TBCA: variants seen among roughly 807,000 people sequenced by gnomAD.
TBCA encodes tubulin-specific chaperone A.
A neutral mutation model predicts 15.8 loss-of-function variants in TBCA; 6 were observed. The ratio of observed to expected loss-of-function variants is 0.38; its 90% CI spans 0.21 to 0.75. The LOEUF (loss-of-function observed/expected upper bound fraction) is 0.75. TBCA is among the 30% of genes least tolerant of loss of function. TBCA has a pLI of 0.46. For synonymous variants in TBCA, 32 were observed against 42.3 expected, an observed-to-expected ratio of 0.76 and a Z score of 0.94; for missense variants, 90 against 131.2, an observed-to-expected ratio of 0.69 and a Z score of 1.53.
chr5:77,719,320 A>G (rs1054135776), intron 1 of TBCA, among the ~76,000 whole-genome samples: 8 of 152,186 alleles, frequency 5.3e-5, no homozygotes, highest in African/African-American at 1.9e-4. Flanking sequence ...TCAAAATTTA[A>G]ATTTCTTTGA....
chr5:77,715,931 AC>A (rs758403943), intron 1 of TBCA, among the ~76,000 whole-genome samples: 93 of 152,294 alleles, frequency 6.1e-4, no homozygotes, highest in Admixed American at 1.2e-3. Context: ...ATAGCTGATA[AC>A]AAACTCTCCT....
At chr5:77,710,079 A>C in intron 1 of TBCA, among the ~76,000 whole-genome samples, 1 of 152,202 alleles carries the variant, frequency 6.6e-6, no homozygotes. Flanking sequence ...TCTAAAAATG[A>C]TTGTGGTGAT....
intron 2 of TBCA, among the ~76,000 whole-genome samples, chr5:77,702,816 G>A (rs1746052181): frequency 6.6e-6 from 1 of 152,182 alleles, no homozygotes; most frequent in South Asian, 2.1e-4. Context: ...AAAAGCAAGT[G>A]TATTACCTTC....
At chr5:77,712,508 T>C (rs562259656) in intron 1 of TBCA, among the ~76,000 whole-genome samples, 2 of 152,296 alleles carry the variant, frequency 1.3e-5, no homozygotes, top group South Asian at 4.1e-4. Context: ...AAGACAAGTA[T>C]GTATTTTAAA....
chr5:77,766,079 T>C (rs1049816624), intron 1 of TBCA, among the ~76,000 whole-genome samples: 6 of 152,064 alleles, frequency 3.9e-5, no homozygotes, highest in African/African-American at 1.4e-4. Flanking sequence ...TACCACCTAC[T>C]CCCCATGAGA....
chr5:77,691,185 T>C lies in TBCA; in HGVS notation c.*233A>G, dbSNP rs1745741541. The C allele has an allele frequency of 6.5e-6, 3 of 464,656 alleles. No individual in the cohort carries two copies. The highest frequency in any genetic ancestry group is 8.5e-5 in the Admixed American group (2 of 23,444). 28.8% of individuals were successfully genotyped at this position (464,656 alleles called of 1,614,324 possible). A position where few individuals can be genotyped will look rare whatever the true frequency, so the allele number is the denominator to read the frequency against. On this transcript the variant is annotated 3_prime_UTR_variant, in exon 4 of 4. Coordinates refer to ENST00000380377, the MANE Select transcript of TBCA (RefSeq NM_004607.3). Reference sequence around the variant, plus strand: ...TTATAGTTCTCTGTCATAAAGTCTATGTGGTTTAATGATAAAAGGTTAATT... The same window carrying C: ...TTATAGTTCTCTGTCATAAAGTCTACGTGGTTTAATGATAAAAGGTTAATT...
At chr5:77,705,681 G>T in intron 2 of TBCA, 1 of 397,388 alleles carries the variant, frequency 2.5e-6, no homozygotes. Context: ...TTTAAAAATT[G>T]GCCAGGCATG....
chr5:77,715,415 CT>C (rs781730933), intron 1 of TBCA: 2 of 603,156 alleles, frequency 3.3e-6, no homozygotes, highest in Non-Finnish European at 3.0e-6. Context: ...ATGAAAACAT[CT>C]TTAAGAAGGA....
intron 1 of TBCA, among the ~76,000 whole-genome samples, chr5:77,730,326 G>T (rs528838217): frequency 1.6e-3 from 249 of 152,286 alleles, no homozygotes; most frequent in Non-Finnish European, 3.0e-3. Flanking sequence ...TTGGAGTTAT[G>T]CTGCCACAAA....
chr5:77,776,329 C>T lies in TBCA; in HGVS notation c.-72G>A, dbSNP rs1254079717. On this transcript the variant is annotated 5_prime_UTR_variant, in exon 1 of 4. Transcript: ENST00000380377. ...CGTGGAGGGCGACGCGCAGAGGCTG[C>T]GGCTATTTAGGCGTGGTCGCCGGCG... 1 of 1,533,430 alleles carries T rather than the reference C, an allele frequency of 6.5e-7. No individual in the cohort carries two copies. Among genetic ancestry groups the T allele is most frequent in the East Asian group, 2.5e-5 (1 of 40,774 alleles). The allele number at this position is 1,533,430 out of a possible 1,614,324, so 95.0% of individuals were successfully genotyped here. A position where few individuals can be genotyped will look rare whatever the true frequency, so the allele number is the denominator to read the frequency against.
chr5:77,691,721 T>G, intron 3 of TBCA: 4 of 1,217,320 alleles, frequency 3.3e-6, no homozygotes, highest in Non-Finnish European at 4.1e-6. Context: ...ACTGTATATA[T>G]TCTCATAAAA....
chr5:77,736,466 A>G (rs1746909514), intron 1 of TBCA, among the ~76,000 whole-genome samples: 1 of 152,166 alleles, frequency 6.6e-6, no homozygotes, highest in South Asian at 2.1e-4. Flanking sequence ...AAATAATCAA[A>G]CAGAAACAAT....
At chr5:77,750,103 A>G (rs1480060787) in intron 1 of TBCA, among the ~76,000 whole-genome samples, 1 of 151,482 alleles carries the variant, frequency 6.6e-6, no homozygotes, top group Non-Finnish European at 1.5e-5. Context: ...GTTTCACCGT[A>G]TACCTCTTTG....
rs1554043239 is a variant in TBCA at position 77,700,044 on chromosome 5, A to AAG, written c.160-6693_160-6692insCT. ...TGGCTCTGACTCAAAAAAAAAAAAAAAAAAAAGAAAATTAGCCAGACATGG... is the reference window on the plus strand; with the variant it reads ...TGGCTCTGACTCAAAAAAAAAAAAAAAGAAAAAAGAAAATTAGCCAGACATGG... On this transcript the variant is annotated intron_variant, in intron 2 of 3. Coordinates refer to ENST00000380377, the MANE Select transcript of TBCA (RefSeq NM_004607.3). 2.0e-5 allele frequency among the ~76,000 whole-genome samples: 3 copies of AAG among 150,756 alleles called. No individual in the cohort carries two copies. The East Asian group carries it at 5.8e-4, about 29-fold the overall frequency.
chr5:77,702,637 T>C (rs1746046783), intron 2 of TBCA, among the ~76,000 whole-genome samples: 1 of 152,208 alleles, frequency 6.6e-6, no homozygotes, highest in Admixed American at 6.5e-5. Context: ...CAGGTATAAC[T>C]AGTGAAATAT....
chr5:77,715,922 T>G (rs138960525), intron 1 of TBCA, among the ~76,000 whole-genome samples: 5 of 152,306 alleles, frequency 3.3e-5, no homozygotes, highest in South Asian at 2.1e-4. Flanking sequence ...TCTACTGATA[T>G]AGCTGATAAC....
At chr5:77,738,305 A>G (rs1252251318) in intron 1 of TBCA, among the ~76,000 whole-genome samples, 1 of 152,194 alleles carries the variant, frequency 6.6e-6, no homozygotes, top group Non-Finnish European at 1.5e-5. Context: ...GGGTTTTGGC[A>G]TTGAGAAGAT....
At chr5:77,715,750 T>C (rs1297513646) in intron 1 of TBCA, among the ~76,000 whole-genome samples, 4 of 152,204 alleles carry the variant, frequency 2.6e-5, no homozygotes, top group Non-Finnish European at 4.4e-5. Context: ...AAAAACATGC[T>C]GTAAAAAGTG....
chr5:77,736,964 G>A (rs2112475373), intron 1 of TBCA, among the ~76,000 whole-genome samples: 1 of 152,282 alleles, frequency 6.6e-6, no homozygotes, highest in South Asian at 2.1e-4. Context: ...GGACTTAGTT[G>A]TGCCTGCTTA....
Sources: allele counts gnomAD v4.1 joint callset (sites outside exome capture counted in the v4.1 genomes callset), GRCh38; gene constraint gnomAD v4.1.1; transcripts MANE v1.5; gene names NCBI Gene and HGNC (gene_info 2026-07-23, HGNC 2026-07-21).